The following SPATS2 variants were observed in gnomAD, a reference collection of about 807,000 sequenced individuals.
SPATS2 encodes spermatogenesis associated serine rich 2, also known as spermatogenesis-associated serine-rich protein 2.
A neutral mutation model predicts 63.7 loss-of-function variants in SPATS2; 38 were observed. The ratio of observed to expected loss-of-function variants is 0.60; its 90% CI spans 0.46 to 0.78. The LOEUF is 0.78. Among genes scored for constraint, SPATS2 ranks in the 30% least tolerant of loss-of-function variants. The pLI is 0.00. For missense variants in SPATS2, 588 were observed against 666.2 expected (o/e 0.88, Z 1.29); for synonymous variants, 207 against 232.9 (o/e 0.89, Z 1.01).
intron 2 of SPATS2, among the ~76,000 whole-genome samples, chr12:49,388,696 C>CT (rs76248274): frequency 2.2e-3 from 304 of 136,154 alleles, no homozygotes; most frequent in South Asian, 0.015. Flanking sequence ...TTTTTTTTTC[C>CT]TTTTTTTTTT....
intron 2 of SPATS2, among the ~76,000 whole-genome samples, chr12:49,431,960 A>G (rs1255883157): frequency 2.0e-5 from 3 of 152,150 alleles, no homozygotes; most frequent in Non-Finnish European, 4.4e-5. Flanking sequence ...TTGAGGGTAC[A>G]GTGAGCCTGG....
At chr12:49,389,521 T>A in intron 2 of SPATS2, 2 of 909,422 alleles carry the variant, frequency 2.2e-6, no homozygotes, top group Non-Finnish European at 3.7e-6. Context: ...TAGAAATGAG[T>A]TGCACAATTG....
At chr12:49,440,052 C>T (rs933149312) in intron 2 of SPATS2, among the ~76,000 whole-genome samples, 1 of 152,180 alleles carries the variant, frequency 6.6e-6, no homozygotes, top group Non-Finnish European at 1.5e-5. Context: ...ATACAAAGAA[C>T]TCTCTGATAT....
chr12:49,400,652 AC>A (rs1210852629), intron 2 of SPATS2, among the ~76,000 whole-genome samples: 1 of 152,160 alleles, frequency 6.6e-6, no homozygotes, highest in Non-Finnish European at 1.5e-5. Context: ...CTTCTCTTTC[AC>A]TGAGGAAGTG....
At chr12:49,375,193 T>TGTGTGTGTGTGTG (rs1944078083) in intron 2 of SPATS2, among the ~76,000 whole-genome samples, 3 of 79,158 alleles carry the variant, frequency 3.8e-5, no homozygotes, top group Non-Finnish European at 7.2e-5. Context: ...TGTGTGTGTG[T>TGTGTGTGTGTGTG]GTGGTGGTAG....
intron 8 of SPATS2, among the ~76,000 whole-genome samples, chr12:49,498,543 G>T (rs955396371): frequency 1.3e-5 from 2 of 151,824 alleles, no homozygotes; most frequent in African/African-American, 4.8e-5. Context: ...TGAAAATTTG[G>T]TACCTTTTTT....
intron 2 of SPATS2, among the ~76,000 whole-genome samples, chr12:49,409,576 G>A (rs1461117482): frequency 1.4e-5 from 2 of 145,886 alleles, no homozygotes; most frequent in East Asian, 4.0e-4. Flanking sequence ...ACAGGCGTGA[G>A]CCACTGTGCC....
chr12:49,400,073 C>T (rs1344316128), intron 2 of SPATS2, among the ~76,000 whole-genome samples: 1 of 152,198 alleles, frequency 6.6e-6, no homozygotes, highest in East Asian at 1.9e-4. Context: ...GTACCAGGCA[C>T]TGTTAGAGTT....
At chr12:49,387,856 A>C (rs1944347299) in intron 2 of SPATS2, among the ~76,000 whole-genome samples, 1 of 152,084 alleles carries the variant, frequency 6.6e-6, no homozygotes, top group African/African-American at 2.4e-5. Flanking sequence ...CATAATGGAG[A>C]GGAGTATCTT....
intron 2 of SPATS2, among the ~76,000 whole-genome samples, chr12:49,455,201 A>G (rs1945698105): frequency 6.6e-6 from 1 of 152,192 alleles, no homozygotes; most frequent in Non-Finnish European, 1.5e-5. Flanking sequence ...TTAAAACACC[A>G]TGAGCCAGTA....
chr12:49,376,547 C>T (rs957337053), intron 2 of SPATS2, among the ~76,000 whole-genome samples: 1 of 151,820 alleles, frequency 6.6e-6, no homozygotes, highest in Non-Finnish European at 1.5e-5. Flanking sequence ...CAGGCTCGTA[C>T]CACCATGCCC....
chr12:49,505,939 A>G (rs890554057), intron 9 of SPATS2, among the ~76,000 whole-genome samples: 3 of 152,258 alleles, frequency 2.0e-5, no homozygotes, highest in African/African-American at 7.2e-5. Context: ...GTTCAACTTA[A>G]TAATTTTCCA....
At chr12:49,502,232 A>G (rs991249070) in intron 9 of SPATS2, among the ~76,000 whole-genome samples, 33 of 152,280 alleles carry the variant, frequency 2.2e-4, no homozygotes, top group African/African-American at 7.9e-4. Flanking sequence ...ACAACATATA[A>G]GAGATAGAGG....
intron 6 of SPATS2, among the ~76,000 whole-genome samples, chr12:49,491,945 T>C (rs1946389753): frequency 6.6e-6 from 1 of 152,180 alleles, no homozygotes; most frequent in Non-Finnish European, 1.5e-5. Context: ...TGTTCTTTTC[T>C]TTATTAAGTC....
chr12:49,418,108 G>GTTTTTTTGT (rs1944919898), intron 2 of SPATS2, among the ~76,000 whole-genome samples: 6 of 76,048 alleles, frequency 7.9e-5, no homozygotes, highest in Non-Finnish European at 1.4e-4. Flanking sequence ...AAATGACTCA[G>GTTTTTTTGT]TTTTTTTTTT....
chr12:49,408,495 C>T (rs1044195275), intron 2 of SPATS2, among the ~76,000 whole-genome samples: 3 of 150,742 alleles, frequency 2.0e-5, no homozygotes, highest in Admixed American at 1.3e-4. Context: ...TCAAGTGATT[C>T]GCCTGCCTTG....
chr12:49,403,188 G>A (rs1289583061), intron 2 of SPATS2, among the ~76,000 whole-genome samples: 1 of 152,220 alleles, frequency 6.6e-6, no homozygotes, highest in Non-Finnish European at 1.5e-5. Flanking sequence ...GACAGAGGTA[G>A]TGAAGAAGCT....
chr12:49,458,991 A>G (rs541620998), intron 2 of SPATS2, among the ~76,000 whole-genome samples: 2 of 152,246 alleles, frequency 1.3e-5, no homozygotes, highest in East Asian at 3.9e-4. Context: ...TCAAGGCATG[A>G]TAAATCTAAG....
intron 6 of SPATS2, among the ~76,000 whole-genome samples, chr12:49,493,397 CTT>C (rs577929812): frequency 2.9e-4 from 41 of 139,022 alleles, no homozygotes; most frequent in Middle Eastern, 3.9e-3. Flanking sequence ...ACTGAAACAT[CTT>C]TTTTTTTTTT....
Sources: gnomAD v4.1 joint callset for allele counts (sites outside exome capture counted in the v4.1 genomes callset) on GRCh38, gnomAD v4.1.1 for gene constraint, MANE v1.5 for transcripts, NCBI Gene and HGNC (gene_info 2026-07-23, HGNC 2026-07-21) for gene names.